Variants in SPMIP2 observed in about 807,000 individuals in gnomAD.
SPMIP2 encodes sperm microtubule inner protein 2.
At chr4:159,003,575 C>T in the SPMIP2 span, among the ~76,000 whole-genome samples, 3 of 152,124 alleles carry the variant, frequency 2.0e-5, no homozygotes, top group African/African-American at 7.2e-5. Context: ...CTGTACAGTA[C>T]GGCGCCTCAG....
At chr4:158,906,583 ATG>A in the SPMIP2 span, 1 of 152,206 alleles carries the variant, frequency 6.6e-6, no homozygotes, top group Non-Finnish European at 1.5e-5. Context: ...TCTTAATTTA[ATG>A]TTCCAAAACT....
chr4:159,037,809 CACACACACACACACACACAT>C, the SPMIP2 span, among the ~76,000 whole-genome samples: 11 of 139,300 alleles, frequency 7.9e-5, no homozygotes, highest in Non-Finnish European at 1.3e-4. Flanking sequence ...CACACACACA[CACACACACACACACACACAT>C]ATATATATGT....
chr4:158,893,597 G>A, the SPMIP2 span: 1 of 1,010,942 alleles, frequency 9.9e-7, no homozygotes, highest in Non-Finnish European at 1.5e-6. Context: ...ATCTGTCCTG[G>A]GGCAATATGA....
the SPMIP2 span, among the ~76,000 whole-genome samples, chr4:159,059,778 T>A: frequency 6.6e-6 from 1 of 152,212 alleles, no homozygotes; most frequent in South Asian, 2.1e-4. Context: ...GATTAATTGA[T>A]GAGACATGGC....
the SPMIP2 span, chr4:158,906,659 A>ACACT: frequency 2.6e-5 from 4 of 152,228 alleles, no homozygotes; most frequent in African/African-American, 9.6e-5. Context: ...TGTCTCCGTG[A>ACACT]CACTCAGGAT....
At chr4:158,953,066 T>G in the SPMIP2 span, among the ~76,000 whole-genome samples, 1 of 152,170 alleles carries the variant, frequency 6.6e-6, no homozygotes, top group Non-Finnish European at 1.5e-5. Flanking sequence ...TTTTCTGACA[T>G]GAAATTCAAG....
At chr4:158,956,009 C>T in the SPMIP2 span, among the ~76,000 whole-genome samples, 3 of 152,204 alleles carry the variant, frequency 2.0e-5, no homozygotes, top group Non-Finnish European at 4.4e-5. Flanking sequence ...GGCCACTGAT[C>T]ACCTCTAAAC....
chr4:159,042,893 G>A, the SPMIP2 span, among the ~76,000 whole-genome samples: 2 of 151,986 alleles, frequency 1.3e-5, no homozygotes, highest in Admixed American at 6.6e-5. Flanking sequence ...CAACTCCTGG[G>A]CTCAAGTGAC....
the SPMIP2 span, among the ~76,000 whole-genome samples, chr4:158,901,667 C>T: frequency 6.6e-6 from 1 of 151,966 alleles, no homozygotes; most frequent in African/African-American, 2.4e-5. Context: ...TCTCATATTT[C>T]TTGGAGGCTT....
chr4:158,965,560 C>G, the SPMIP2 span, among the ~76,000 whole-genome samples: 2 of 152,000 alleles, frequency 1.3e-5, no homozygotes, highest in African/African-American at 2.4e-5. Context: ...TATGCTCCCC[C>G]CAAGTTAATT....
At chr4:158,960,384 T>C in the SPMIP2 span, 45 of 1,233,638 alleles carry the variant, frequency 3.6e-5, no homozygotes, top group Non-Finnish European at 4.2e-5. Flanking sequence ...AATTCCAAAG[T>C]AAAGAGGTGG....
chr4:158,928,437 G>C, the SPMIP2 span, among the ~76,000 whole-genome samples: 3 of 151,414 alleles, frequency 2.0e-5, no homozygotes, highest in African/African-American at 4.9e-5. Flanking sequence ...TCGACACTCT[G>C]TATCTAGCTA....
At chr4:158,951,744 C>A in the SPMIP2 span, among the ~76,000 whole-genome samples, 968 of 152,280 alleles carry the variant, frequency 6.4e-3, 11 homozygotes, top group African/African-American at 0.021. Flanking sequence ...TGTTGAGGAG[C>A]CAAGTTCCCA....
the SPMIP2 span, among the ~76,000 whole-genome samples, chr4:159,046,792 C>T: frequency 6.6e-6 from 1 of 152,224 alleles, no homozygotes; most frequent in African/African-American, 2.4e-5. Context: ...AGCCTGGCCT[C>T]GAACTCTTGA....
At chr4:158,946,373 C>A in the SPMIP2 span, among the ~76,000 whole-genome samples, 2 of 150,708 alleles carry the variant, frequency 1.3e-5, no homozygotes, top group African/African-American at 4.9e-5. Flanking sequence ...CTCTGTGTCC[C>A]CACCCAAATC....
the SPMIP2 span, among the ~76,000 whole-genome samples, chr4:158,949,312 G>T: frequency 6.6e-6 from 1 of 152,142 alleles, no homozygotes; most frequent in African/African-American, 2.4e-5. Flanking sequence ...ACTTTCAAAA[G>T]TGTCCTGTCT....
At chr4:158,972,941 G>A in the SPMIP2 span, 1 of 629,300 alleles carries the variant, frequency 1.6e-6, no homozygotes, top group Non-Finnish European at 2.7e-6. Flanking sequence ...ATTCACACAT[G>A]TGTCTTTCTG....
chr4:158,918,360 C>T, the SPMIP2 span, among the ~76,000 whole-genome samples: 3 of 152,142 alleles, frequency 2.0e-5, no homozygotes, highest in Admixed American at 6.5e-5. Flanking sequence ...GTGTTATTTA[C>T]AAGTACAGAT....
chr4:158,967,647 A>C, the SPMIP2 span, among the ~76,000 whole-genome samples: 3 of 152,260 alleles, frequency 2.0e-5, no homozygotes. Flanking sequence ...AATTTTAATG[A>C]GACTCAAAAC....
Sources: allele counts gnomAD v4.1 joint callset (sites outside exome capture counted in the v4.1 genomes callset), GRCh38; gene constraint gnomAD v4.1.1; transcripts MANE v1.5; gene names NCBI Gene and HGNC (gene_info 2026-07-23, HGNC 2026-07-21).